Variants in ST6GAL1 observed in about 807,000 individuals in gnomAD.
The protein encoded by ST6GAL1 is ST6 beta-galactoside alpha-2,6-sialyltransferase 1.
ST6GAL1 carries 20 observed loss-of-function variants against 38.0 expected under a neutral mutation model. The observed-to-expected ratio is 0.53, with a 90% CI of 0.37 to 0.77. ST6GAL1 has a LOEUF of 0.77. ST6GAL1 is among the 30% of genes least tolerant of loss of function. The pLI is 0.00. For synonymous variants in ST6GAL1, 196 were observed against 188.2 expected (o/e 1.04, Z -0.34); for missense variants, 432 against 496.4 (o/e 0.87, Z 1.23).
intron 5 of ST6GAL1, among the ~76,000 whole-genome samples, chr3:187,058,284 G>A (rs1000839751): frequency 5.9e-5 from 9 of 152,090 alleles, no homozygotes; most frequent in East Asian, 1.9e-4. Context: ...GCTTTGGCTC[G>A]TCCTCCATGG....
intron 2 of ST6GAL1, among the ~76,000 whole-genome samples, chr3:186,976,618 C>T (rs1400834930): frequency 6.6e-6 from 1 of 152,086 alleles, no homozygotes; most frequent in Non-Finnish European, 1.5e-5. Flanking sequence ...TTGGTAGAGA[C>T]AGGGTTTCAC....
At chr3:187,021,111 A>ACC (rs1560165244) in intron 2 of ST6GAL1, among the ~76,000 whole-genome samples, 4 of 151,326 alleles carry the variant, frequency 2.6e-5, no homozygotes, top group African/African-American at 9.7e-5. Flanking sequence ...TTACAGGAGC[A>ACC]TGCCACCACG....
intron 1 of ST6GAL1, among the ~76,000 whole-genome samples, chr3:186,945,859 TGGGC>T (rs1714342191): frequency 2.0e-5 from 3 of 149,394 alleles, no homozygotes; most frequent in African/African-American, 7.4e-5. Context: ...GGCGTGGTGG[TGGGC>T]ACCTGCAGTC....
chr3:187,029,088 T>TAAAAAAAA (rs56166685), intron 2 of ST6GAL1, among the ~76,000 whole-genome samples: 26 of 105,924 alleles, frequency 2.5e-4, no homozygotes, highest in Non-Finnish European at 3.3e-4. Context: ...ACCTTGTCTC[T>TAAAAAAAA]AAAAAAAAAA....
chr3:186,992,627 C>T (rs898594484), intron 2 of ST6GAL1, among the ~76,000 whole-genome samples: 6 of 152,132 alleles, frequency 3.9e-5, no homozygotes, highest in African/African-American at 9.7e-5. Flanking sequence ...AACCCCGTCT[C>T]TACTAAAAAT....
At chr3:186,951,942 A>AG (rs556598452) in intron 1 of ST6GAL1, among the ~76,000 whole-genome samples, 88 of 152,334 alleles carry the variant, frequency 5.8e-4, no homozygotes, top group Middle Eastern at 3.4e-3. Context: ...ATGTGCTAAC[A>AG]GGGCTCACTA....
chr3:186,958,685 C>T (rs185346189), intron 1 of ST6GAL1, among the ~76,000 whole-genome samples: 41 of 152,248 alleles, frequency 2.7e-4, no homozygotes, highest in African/African-American at 9.4e-4. Flanking sequence ...GGTGCTGTGG[C>T]TCATGCCTGT....
chr3:187,057,363 A>G (rs1397821930), intron 5 of ST6GAL1, among the ~76,000 whole-genome samples: 1 of 152,178 alleles, frequency 6.6e-6, no homozygotes, highest in Non-Finnish European at 1.5e-5. Flanking sequence ...AGGAGCTGCG[A>G]TCCTTTGGAG....
chr3:186,982,680 C>A (rs1241958118), intron 2 of ST6GAL1, among the ~76,000 whole-genome samples: 1 of 151,876 alleles, frequency 6.6e-6, no homozygotes, highest in Non-Finnish European at 1.5e-5. Context: ...GTGTGTAATT[C>A]TCTCTGTCTT....
chr3:187,029,467 G>T (rs1367308426), intron 2 of ST6GAL1, among the ~76,000 whole-genome samples: 1 of 152,124 alleles, frequency 6.6e-6, no homozygotes, highest in South Asian at 2.1e-4. Context: ...TCTGTTAGGG[G>T]GTTTGAGGAA....
At chr3:187,034,520 T>A (rs9858925) in intron 2 of ST6GAL1, among the ~76,000 whole-genome samples, 74,216 of 151,918 alleles carry the variant, frequency 0.49, 20,481 homozygotes, top group African/African-American at 0.75. Flanking sequence ...AACACTAGCA[T>A]ACCGAATCCA....
Position 186,944,119 on chromosome 3 carries a change from T to G in ST6GAL1, c.-325+13285T>G, listed in dbSNP as rs530371590. Reference sequence around the variant, plus strand: ...TCCTTTTTATCCAGCCAATCAGTAATCCAGAAGTCTTCAAATAAAATCTTT... The same window carrying G: ...TCCTTTTTATCCAGCCAATCAGTAAGCCAGAAGTCTTCAAATAAAATCTTT... On this transcript the variant is annotated intron_variant, in intron 1 of 7. Transcript: ENST00000169298. 3.9e-5 allele frequency among the ~76,000 whole-genome samples: 6 copies of G among 152,328 alleles called. No individual in the cohort carries two copies. The East Asian group carries it at 1.2e-3, about 29-fold the overall frequency.
chr3:186,965,698 G>T (rs994092010), intron 2 of ST6GAL1, among the ~76,000 whole-genome samples: 1 of 152,180 alleles, frequency 6.6e-6, no homozygotes, highest in Non-Finnish European at 1.5e-5. Flanking sequence ...GCACTGCTCA[G>T]GAGGCCGCCT....
intron 2 of ST6GAL1, among the ~76,000 whole-genome samples, chr3:187,029,262 A>G (rs560391461): frequency 1.3e-5 from 2 of 152,194 alleles, no homozygotes; most frequent in Middle Eastern, 3.4e-3. Context: ...GCGTGTCTAT[A>G]TGTTGATGGG....
chr3:186,976,268 C>T (rs1425634547), intron 2 of ST6GAL1, among the ~76,000 whole-genome samples: 1 of 152,178 alleles, frequency 6.6e-6, no homozygotes, highest in African/African-American at 2.4e-5. Flanking sequence ...CCCAACCTTC[C>T]CCTCCTCCGT....
intron 2 of ST6GAL1, among the ~76,000 whole-genome samples, chr3:186,985,782 AAAAAAG>A (rs1715897549): frequency 1.3e-5 from 2 of 151,238 alleles, no homozygotes; most frequent in South Asian, 4.2e-4. Flanking sequence ...CTCAAAAAAA[AAAAAAG>A]AAAAAAGAAA....
rs1241179301 is a variant in ST6GAL1, at chr3:187,074,280, AAG to A, written c.928_929del (p.Glu310AsnfsTer26). ...CCTTGGGAGCTATGGGACATTCTTCAAGAAATCTCCCCAGAAGAGATTCAGCC... is the reference window on the plus strand; with the variant it reads ...CCTTGGGAGCTATGGGACATTCTTCAAAATCTCCCCAGAAGAGATTCAGCC... On this transcript the variant is annotated frameshift_variant, in exon 7 of 8. Coordinates refer to ENST00000169298, the MANE Select transcript of ST6GAL1 (RefSeq NM_173216.2). LOFTEE classifies it high-confidence loss of function. 1 of 1,610,978 alleles carries A rather than the reference AAG, an allele frequency of 6.2e-7. No homozygotes were observed. Among genetic ancestry groups the A allele is most frequent in the Non-Finnish European group, 8.5e-7 (1 of 1,178,730 alleles).
intron 4 of ST6GAL1, among the ~76,000 whole-genome samples, chr3:187,046,049 T>C (rs191522895): frequency 6.6e-6 from 1 of 152,222 alleles, no homozygotes; most frequent in African/African-American, 2.4e-5. Context: ...AGGAGGTTTT[T>C]GAACAAGGGA....
In ST6GAL1 at chr3:187,022,093, G is replaced by T. The variant is rs1191043216; in HGVS notation, c.-182-16649G>T. On this transcript the variant is annotated intron_variant, in intron 2 of 7. Transcript: ENST00000169298. ...GGGGAACCCCAATGGAAGCTGGTTG[G>T]TCAGAAAGAAGTTCTGGAGGCCTGG... 2.4e-4 allele frequency: 36 copies of T among 152,272 alleles called. 1 individual carries two copies. The highest frequency in any genetic ancestry group is 2.4e-3 in the Admixed American group (36 of 15,290). 9.4% of individuals were successfully genotyped at this position (152,272 alleles called of 1,614,324 possible).
Sources: gnomAD v4.1 joint callset for allele counts (sites outside exome capture counted in the v4.1 genomes callset) on GRCh38, gnomAD v4.1.1 for gene constraint, MANE v1.5 for transcripts, NCBI Gene and HGNC (gene_info 2026-07-23, HGNC 2026-07-21) for gene names.